SP4: variants seen among roughly 807,000 people sequenced by gnomAD.
SP4 encodes transcription factor Sp4.
SP4 carries 19 observed loss-of-function variants against 72.8 expected under a neutral mutation model. The observed-to-expected ratio is 0.26, with a 90% CI of 0.18 to 0.38. The LOEUF (loss-of-function observed/expected upper bound fraction) is 0.38, where lower values mean the gene tolerates loss of function less well. Among genes scored for constraint, SP4 ranks in the 10% least tolerant of loss-of-function variants. The probability of loss-of-function intolerance (pLI) is 1.00; values close to 1 mark genes in which losing one functional copy is unlikely to be tolerated. For missense variants in SP4, 1,008 were observed against 926.3 expected, an observed-to-expected ratio of 1.09 and a Z score of -1.14; for synonymous variants, 395 against 333.1, an observed-to-expected ratio of 1.19 and a Z score of -2.02.
At chr7:21,486,060 A>C (rs1784804831) in intron 5 of SP4, among the ~76,000 whole-genome samples, 1 of 151,930 alleles carries the variant, frequency 6.6e-6, no homozygotes, top group African/African-American at 2.4e-5. Flanking sequence ...CTTTCTGCTT[A>C]ATTTGGTTGT....
intron 5 of SP4, among the ~76,000 whole-genome samples, chr7:21,508,623 A>G (rs1239398222): frequency 1.3e-5 from 2 of 152,130 alleles, no homozygotes; most frequent in South Asian, 4.2e-4. Flanking sequence ...CACCGCGCCC[A>G]GCCTAAATAC....
chr7:21,491,651 G>T (rs1417645963), intron 5 of SP4, among the ~76,000 whole-genome samples: 2 of 152,172 alleles, frequency 1.3e-5, no homozygotes, highest in African/African-American at 4.8e-5. Flanking sequence ...AGCCAGAAGA[G>T]AAGGACACAT....
chr7:21,433,124 C>T (rs562835016), intron 3 of SP4, among the ~76,000 whole-genome samples: 1 of 152,302 alleles, frequency 6.6e-6, no homozygotes, highest in African/African-American at 2.4e-5. Context: ...ATTTTGGTGG[C>T]AACTACAACT....
chr7:21,482,140 A>G lies in SP4; in HGVS notation c.2107+17A>G. 1 of 1,584,618 alleles carries G rather than the reference A, an allele frequency of 6.3e-7. No homozygotes were observed. Among genetic ancestry groups the G allele is most frequent in the Non-Finnish European group, 8.6e-7 (1 of 1,159,418 alleles). On this transcript the variant is annotated intron_variant, in intron 5 of 5. Transcript: ENST00000222584. ...CCCATACAGGTTAGTTGATTTTAGG[A>G]CTTGTACTTTTTACTTATTTCTTCA...
At position 21,428,137 on chromosome 7, in the gene SP4, G is replaced by T. The variant is rs550576137; in HGVS notation, c.-115G>T. On this transcript the variant is annotated 5_prime_UTR_variant, in exon 1 of 6. Transcript: ENST00000222584. ...AGAGGCAGAGCCTGTGCCAGCTACA[G>T]CCTCCTCCGAGCCACCGCGGGCGGG... 159 of 721,240 alleles carry T rather than the reference G, an allele frequency of 2.2e-4. 4 individuals carry two copies. Among genetic ancestry groups the T allele is most frequent in the South Asian group, 2.1e-3 (142 of 67,522 alleles). The allele number at this position is 721,240 out of a possible 1,614,324, so 44.7% of individuals were successfully genotyped here.
intron 3 of SP4, among the ~76,000 whole-genome samples, chr7:21,447,771 C>T (rs1021777521): frequency 6.6e-6 from 1 of 152,164 alleles, no homozygotes; most frequent in Non-Finnish European, 1.5e-5. Flanking sequence ...GCAACCTCCA[C>T]CTCCCAGGTT....
At position 21,429,634 on chromosome 7, in the gene SP4, C is replaced by A. The variant is rs1782764582; in HGVS notation, c.469C>A (p.Gln157Lys). The A allele has an allele frequency of 6.2e-7, 1 of 1,614,096 alleles. No individual in the cohort carries two copies. Among genetic ancestry groups the A allele is most frequent in the African/African-American group, 1.3e-5 (1 of 75,028 alleles). The part of the protein sequence containing the change: ...TPGQFQVIQV[Q>K]NPSGSVQYQV... ...TGGTCAATTTCAAGTCATACAAGTA[C>A]AAAATCCAAGTGGTAGTGTACAGTA... is the stretch of plus-strand genomic sequence containing the variant. Residue 157 changes from glutamine to lysine, a missense_variant, in exon 3 of 6, where the codon CAA becomes AAA. Physicochemically the swap from Gln to Lys is moderately conservative, Grantham distance 53. Transcript: ENST00000222584.
Position 21,511,384 on chromosome 7 carries a change from C to A in SP4, c.*115C>A. The A allele has an allele frequency of 9.0e-7, 1 of 1,116,382 alleles. No individual in the cohort carries two copies. The highest frequency in any genetic ancestry group is 1.3e-6 in the Non-Finnish European group (1 of 789,970). 69.2% of individuals were successfully genotyped at this position (1,116,382 alleles called of 1,614,324 possible). A position where few individuals can be genotyped will look rare whatever the true frequency, so the allele number is the denominator to read the frequency against. ...TAGGAAATTATGTTTTCATTCTTGG[C>A]TTCTTTAAGTATTCCAGGGTTTGGG... On this transcript the variant is annotated 3_prime_UTR_variant, in exon 6 of 6. Transcript: ENST00000222584.
chr7:21,444,553 A>G (rs1783361633), intron 3 of SP4, among the ~76,000 whole-genome samples: 1 of 152,044 alleles, frequency 6.6e-6, no homozygotes, highest in African/African-American at 2.4e-5. Context: ...TACTATTACC[A>G]CTTACTGCCC....
intron 5 of SP4, among the ~76,000 whole-genome samples, chr7:21,485,939 C>T (rs943488625): frequency 4.6e-5 from 7 of 151,876 alleles, no homozygotes; most frequent in African/African-American, 1.7e-4. Context: ...CTCAAGATCT[C>T]GTGTTTTCAT....
At chr7:21,433,034 G>A (rs149404907) in intron 3 of SP4, among the ~76,000 whole-genome samples, 1 of 152,282 alleles carries the variant, frequency 6.6e-6, no homozygotes, top group East Asian at 1.9e-4. Context: ...CAAGTGTCTG[G>A]TCATCAGCAG....
Position 21,428,179 on chromosome 7 carries a change from T to TGCCCCCC in SP4, c.-73_-72insGCCCCCC. ...GCGGGCGGGCGGGACCGGCCTCTCCTCCCGCCTCGCCCCCACCCCCACCCA... is the reference window on the plus strand; with the variant it reads ...GCGGGCGGGCGGGACCGGCCTCTCCTGCCCCCCCCCGCCTCGCCCCCACCCCCACCCA... On this transcript the variant is annotated 5_prime_UTR_variant, in exon 1 of 6. Transcript: ENST00000222584. The TGCCCCCC allele has an allele frequency of 8.3e-6, 5 of 600,784 alleles. No homozygotes were observed. The highest frequency in any genetic ancestry group is 7.5e-5 in the East Asian group (2 of 26,624). The allele number at this position is 600,784 out of a possible 1,614,324, so 37.2% of individuals were successfully genotyped here. A position where few individuals can be genotyped will look rare whatever the true frequency, so the allele number is the denominator to read the frequency against.
chr7:21,476,898 C>T (rs1333538128), intron 3 of SP4, among the ~76,000 whole-genome samples, 181 bp from the exon 4 acceptor site: 1 of 152,064 alleles, frequency 6.6e-6, no homozygotes, highest in African/African-American at 2.4e-5. Flanking sequence ...GCAACCTGAG[C>T]CACTAAAGTA....
At chr7:21,458,683 C>T (rs1438275072) in intron 3 of SP4, among the ~76,000 whole-genome samples, 1 of 151,962 alleles carries the variant, frequency 6.6e-6, no homozygotes, top group Non-Finnish European at 1.5e-5. Flanking sequence ...ACTCTTTTCA[C>T]CTTAATTGGA....
At chr7:21,507,550 TG>T (rs1782030269) in intron 5 of SP4, among the ~76,000 whole-genome samples, 1 of 152,182 alleles carries the variant, frequency 6.6e-6, no homozygotes, top group Non-Finnish European at 1.5e-5. Context: ...CTTCTTTAAG[TG>T]GGAATATGGG....
Position 21,512,254 on chromosome 7 carries a change from A to G in SP4, c.*985A>G, listed in dbSNP as rs961870781. ...ATGTGGTAGCCAAAGAAAGAATTAC[A>G]CTTTTTTCCAAGGCCAGCAGAAAAT... On this transcript the variant is annotated 3_prime_UTR_variant, in exon 6 of 6. Transcript: ENST00000222584. 1 of 152,610 alleles carries G rather than the reference A, an allele frequency of 6.6e-6. No homozygotes were observed. The highest frequency in any genetic ancestry group is 2.4e-5 in the African/African-American group (1 of 41,458). The allele number at this position is 152,610 out of a possible 1,614,324, so 9.5% of individuals were successfully genotyped here. A position where few individuals can be genotyped will look rare whatever the true frequency, so the allele number is the denominator to read the frequency against.
At chr7:21,461,903 G>T (rs577781572) in intron 3 of SP4, among the ~76,000 whole-genome samples, 1 of 152,352 alleles carries the variant, frequency 6.6e-6, no homozygotes, top group African/African-American at 2.4e-5. Flanking sequence ...CACAAGGTTG[G>T]TAGAAGTTTG....
At chr7:21,451,477 GA>G (rs1783598806) in intron 3 of SP4, among the ~76,000 whole-genome samples, 1 of 152,130 alleles carries the variant, frequency 6.6e-6, no homozygotes. Context: ...GTTCTTTGGG[GA>G]AAATGGATGG....
chr7:21,501,634 T>C (rs1198087610), intron 5 of SP4, among the ~76,000 whole-genome samples: 1 of 152,210 alleles, frequency 6.6e-6, no homozygotes, highest in Non-Finnish European at 1.5e-5. Flanking sequence ...TGTCTTTCCA[T>C]TTTCCAAACC....
Sources: gnomAD v4.1 joint callset for allele counts (sites outside exome capture counted in the v4.1 genomes callset) on GRCh38, gnomAD v4.1.1 for gene constraint, MANE v1.5 for transcripts, NCBI Gene and HGNC (gene_info 2026-07-23, HGNC 2026-07-21) for gene names.